SAR1B: variants seen among roughly 807,000 people sequenced by gnomAD.
SAR1B encodes the protein secretion associated Ras related GTPase 1B.
In SAR1B, 23 loss-of-function variants were observed where a neutral mutation model predicts 26.8. That is an observed-to-expected ratio of 0.86 (90% CI 0.62 to 1.22). The LOEUF (loss-of-function observed/expected upper bound fraction) is 1.22, where lower values mean the gene tolerates loss of function less well. Among genes scored for constraint, SAR1B ranks in the 50% most tolerant of loss-of-function variants. SAR1B has a pLI of 0.00. For synonymous variants in SAR1B, 65 were observed against 80.8 expected, an observed-to-expected ratio of 0.80 and a Z score of 1.05; for missense variants, 196 against 232.8, an observed-to-expected ratio of 0.84 and a Z score of 1.03.
At chr5:134,612,901 C>A (rs1580648656) in intron 3 of SAR1B, 145 bp from the exon 4 acceptor site, 3 of 697,794 alleles carry the variant, frequency 4.3e-6, no homozygotes, top group East Asian at 5.5e-5. Context: ...AAAATTGATT[C>A]AAAGACCCGT....
intron 3 of SAR1B, among the ~76,000 whole-genome samples, chr5:134,620,294 A>G (rs1408827664): frequency 6.6e-6 from 1 of 151,922 alleles, no homozygotes; most frequent in East Asian, 1.9e-4. Flanking sequence ...CGACAGAGTG[A>G]GACTCCACCT....
At chr5:134,631,157 C>A (rs770553498) in intron 1 of SAR1B, among the ~76,000 whole-genome samples, 1 of 150,988 alleles carries the variant, frequency 6.6e-6, no homozygotes, top group Non-Finnish European at 1.5e-5. Flanking sequence ...TTTCTTAATT[C>A]TTGCTTGAAT....
At chr5:134,612,890 C>T (rs1303145205) in intron 3 of SAR1B, 134 bp from the exon 4 acceptor site, 4 of 765,572 alleles carry the variant, frequency 5.2e-6, no homozygotes, top group Non-Finnish European at 8.5e-6. Context: ...CTCTTAGAAG[C>T]AAAATTGATT....
chr5:134,616,796 T>C (rs904965498), intron 3 of SAR1B, among the ~76,000 whole-genome samples: 1 of 152,372 alleles, frequency 6.6e-6, no homozygotes, highest in Non-Finnish European at 1.5e-5. Context: ...TAACTTTTTA[T>C]GACCAGCTTC....
chr5:134,623,920 G>C, intron 2 of SAR1B, 42 bp downstream of exon 2: 1 of 1,342,658 alleles, frequency 7.4e-7, no homozygotes, highest in South Asian at 1.2e-5. Context: ...AAATAAATAA[G>C]ACCAAAGGGG....
intron 1 of SAR1B, among the ~76,000 whole-genome samples, chr5:134,629,731 A>C (rs984068020): frequency 4.0e-5 from 6 of 149,826 alleles, no homozygotes; most frequent in Non-Finnish European, 8.9e-5. Context: ...AAACAAAAAA[A>C]AACAATTAGC....
rs138265961 is a variant in SAR1B, at chr5:134,611,406, G to T, written c.244+1285C>A. Reference sequence around the variant, plus strand: ...TATGACTTACTATGAGGTAGATGTTGCCAAGTACTTTTGGGGATATAAAAA... The same window carrying T: ...TATGACTTACTATGAGGTAGATGTTTCCAAGTACTTTTGGGGATATAAAAA... On this transcript the variant is annotated intron_variant, in intron 4 of 6. Transcript: ENST00000402673. Among the ~76,000 whole-genome samples the T allele has an allele frequency of 5.3e-3, 808 of 152,174 alleles. 5 individuals are homozygous for T. The highest frequency in any genetic ancestry group is 7.3e-3 in the Non-Finnish European group (494 of 68,002).
At chr5:134,608,972 C>G (rs1765172606) in intron 5 of SAR1B, 2 of 404,264 alleles carry the variant, frequency 4.9e-6, no homozygotes, top group East Asian at 7.1e-5. Flanking sequence ...ACCATAGAAC[C>G]TACCTGGACT....
chr5:134,612,679 A>AAAAAT lies in SAR1B; in HGVS notation c.244+11_244+12insATTTT. ...AAAAAAAAAAAAAAAAAAAAAAAAA[A>AAAAAT]AAGAATCTTACCTTGAACATGTCCA... On this transcript the variant is annotated intron_variant, in intron 4 of 6. Coordinates refer to ENST00000402673, the MANE Select transcript of SAR1B (RefSeq NM_016103.4). 2.0e-6 allele frequency: 2 copies of AAAAAT among 991,776 alleles called. No homozygotes were observed. The highest frequency in any genetic ancestry group is 2.8e-6 in the Non-Finnish European group (2 of 712,510). 61.4% of individuals were successfully genotyped at this position (991,776 alleles called of 1,614,324 possible).
rs1263028388 is a variant in SAR1B, at chr5:134,601,606, A to T, written c.*5344T>A. The stretch of plus-strand genomic sequence containing the variant: ...GTTCAGGTTAAGAGCAACACCAGGG[A>T]ATACAGAAACCCACGTTAAGTTGGC... On this transcript the variant is annotated 3_prime_UTR_variant, in exon 7 of 7. Coordinates refer to ENST00000402673, the MANE Select transcript of SAR1B (RefSeq NM_016103.4). 2 of 152,230 alleles carry T rather than the reference A, an allele frequency of 1.3e-5. No individual in the cohort carries two copies. The highest frequency in any genetic ancestry group is 4.8e-5 in the African/African-American group (2 of 41,460). The allele number at this position is 152,230 out of a possible 1,614,324, so 9.4% of individuals were successfully genotyped here. A position where few individuals can be genotyped will look rare whatever the true frequency, so the allele number is the denominator to read the frequency against.
intron 2 of SAR1B, among the ~76,000 whole-genome samples, chr5:134,622,139 A>G (rs1014865606): frequency 3.9e-5 from 6 of 152,348 alleles, no homozygotes; most frequent in Admixed American, 2.6e-4. Context: ...GTTTCAGGCC[A>G]TCCGTTTTTG....
chr5:134,609,544 A>G (rs1264165036), intron 5 of SAR1B, 27 bp downstream of exon 5: 2 of 1,555,368 alleles, frequency 1.3e-6, no homozygotes, highest in African/African-American at 1.4e-5. Flanking sequence ...TGATTTGACT[A>G]TATTTAGTTT....
At chr5:134,607,263 G>T (rs1197023361) in intron 6 of SAR1B, among the ~76,000 whole-genome samples, 197 bp from the exon 7 acceptor site, 1 of 152,072 alleles carries the variant, frequency 6.6e-6, no homozygotes, top group Non-Finnish European at 1.5e-5. Flanking sequence ...CTTAGGGCAG[G>T]ATGGCCACTC....
intron 3 of SAR1B, among the ~76,000 whole-genome samples, chr5:134,617,360 C>G (rs1028219045): frequency 1.6e-4 from 25 of 152,132 alleles, no homozygotes; most frequent in African/African-American, 6.0e-4. Flanking sequence ...ACTGCCAGAT[C>G]ATAGGATATA....
intron 3 of SAR1B, among the ~76,000 whole-genome samples, chr5:134,620,363 C>G (rs2150053983): frequency 6.6e-6 from 1 of 152,122 alleles, no homozygotes; most frequent in South Asian, 2.1e-4. Context: ...CGATGGTGGA[C>G]TATTTACCAA....
intron 3 of SAR1B, among the ~76,000 whole-genome samples, chr5:134,619,693 A>C (rs190428378): frequency 6.6e-6 from 1 of 152,162 alleles, no homozygotes; most frequent in African/African-American, 2.4e-5. Flanking sequence ...GTGTCAATAT[A>C]TGCCTTGTTT....
rs1173883405 is a variant in SAR1B, at chr5:134,604,339, A to G, written c.*2611T>C. 6.6e-6 allele frequency: 1 copy of G among 152,246 alleles called. No individual in the cohort carries two copies. The highest frequency in any genetic ancestry group is 2.4e-5 in the African/African-American group (1 of 41,458). 9.4% of individuals were successfully genotyped at this position (152,246 alleles called of 1,614,324 possible). A position where few individuals can be genotyped will look rare whatever the true frequency, so the allele number is the denominator to read the frequency against. On this transcript the variant is annotated 3_prime_UTR_variant, in exon 7 of 7. Coordinates refer to ENST00000402673, the MANE Select transcript of SAR1B (RefSeq NM_016103.4). ...CACACAATTAGCCTATGTCCCCAGT[A>G]CTAGTATTTACCTGGGAAATACTCC...
In SAR1B at chr5:134,608,377, C is replaced by G. The variant is rs1189893716; in HGVS notation, c.475G>C (p.Gly159Arg). 27 of 1,556,826 alleles carry G rather than the reference C, an allele frequency of 1.7e-5. No individual in the cohort carries two copies. Among genetic ancestry groups the G allele is most frequent in the Non-Finnish European group, 2.0e-5 (23 of 1,152,528 alleles). The change falls in exon 6 of 7, where the codon GGA becomes CGA. Residue 159 changes from glycine (G) to arginine (R), a missense_variant. Physicochemically the swap from Gly to Arg is moderately radical, Grantham distance 125 (BLOSUM62 -2). Coordinates refer to ENST00000402673, the MANE Select transcript of SAR1B (RefSeq NM_016103.4). ...AATTTTTTTTTTTTTTTTACCTTTC[C>G]TGTTGTCTGACCATATAAACCAAAC... ...EMFGLYGQTTGKGSISLKELN... is the reference protein window; with the variant it reads ...EMFGLYGQTTRKGSISLKELN...
At position 134,603,087 on chromosome 5, in the gene SAR1B, G is replaced by C. The variant is rs192765707; in HGVS notation, c.*3863C>G. On this transcript the variant is annotated 3_prime_UTR_variant, in exon 7 of 7. Transcript: ENST00000402673. Reference sequence around the variant, plus strand: ...CATTGTTTCTTGAAGATTTTTTAATGCTTCAACTTTTTACATATGTTTAAA... The same window carrying C: ...CATTGTTTCTTGAAGATTTTTTAATCCTTCAACTTTTTACATATGTTTAAA... The C allele has an allele frequency of 6.6e-6, 1 of 152,168 alleles. No homozygotes were observed. Among genetic ancestry groups the C allele is most frequent in the African/African-American group, 2.4e-5 (1 of 41,526 alleles). The allele number at this position is 152,168 out of a possible 1,614,324, so 9.4% of individuals were successfully genotyped here.
Sources: gnomAD v4.1 joint callset for allele counts (sites outside exome capture counted in the v4.1 genomes callset) on GRCh38, gnomAD v4.1.1 for gene constraint, MANE v1.5 for transcripts, NCBI Gene and HGNC (gene_info 2026-07-23, HGNC 2026-07-21) for gene names.